Variants in ARHGAP24 observed in about 807,000 individuals in gnomAD.
The protein encoded by ARHGAP24 is rho GTPase-activating protein 24.
Under a neutral mutation model 76.4 loss-of-function variants are expected in ARHGAP24, and 50 were observed. That is an observed-to-expected ratio of 0.65 (90% CI 0.52 to 0.83). ARHGAP24 has a LOEUF of 0.83. Ranked by LOEUF, ARHGAP24 falls within the 40% of genes least tolerant of loss-of-function variation. ARHGAP24 has a pLI of 0.00. For synonymous variants in ARHGAP24, 345 were observed against 323.3 expected, an observed-to-expected ratio of 1.07 and a Z score of -0.72; for missense variants, 930 against 914.2, an observed-to-expected ratio of 1.02 and a Z score of -0.22.
At chr4:85,607,506 C>T (rs1720237932) in intron 2 of ARHGAP24, among the ~76,000 whole-genome samples, 1 of 151,962 alleles carries the variant, frequency 6.6e-6, no homozygotes, top group Admixed American at 6.5e-5. Flanking sequence ...ATGCAGGAAT[C>T]ATCTCCGTAC....
chr4:85,724,593 A>T (rs1725096548), intron 3 of ARHGAP24, among the ~76,000 whole-genome samples: 1 of 151,106 alleles, frequency 6.6e-6, no homozygotes, highest in Non-Finnish European at 1.5e-5. Context: ...GAAACCAAGG[A>T]AAATCATATT....
At chr4:85,810,398 T>A (rs1349611969) in intron 3 of ARHGAP24, among the ~76,000 whole-genome samples, 1 of 152,208 alleles carries the variant, frequency 6.6e-6, no homozygotes, top group Non-Finnish European at 1.5e-5. Flanking sequence ...TACAGGCATA[T>A]GCATCAACGT....
At position 85,710,322 on chromosome 4, in the gene ARHGAP24, C is replaced by T. The variant is rs557108096; in HGVS notation, c.181-11563C>T. 2.0e-5 allele frequency among the ~76,000 whole-genome samples: 3 copies of T among 152,184 alleles called. No individual in the cohort carries two copies. In the South Asian group the frequency reaches 6.2e-4, roughly 32 times the overall value. On this transcript the variant is annotated intron_variant, in intron 2 of 9. Coordinates refer to ENST00000395184, the MANE Select transcript of ARHGAP24 (RefSeq NM_001025616.3). ...CCATATGCAGGAGATTGAAACTGGA[C>T]CCCTTCCTCATAACATATACAAAAA...
At chr4:85,624,311 G>T (rs1321285546) in intron 2 of ARHGAP24, among the ~76,000 whole-genome samples, 1 of 151,992 alleles carries the variant, frequency 6.6e-6, no homozygotes, top group Non-Finnish European at 1.5e-5. Context: ...GTTGAATTTT[G>T]TCAAAGGCCT....
At chr4:85,518,661 C>A (rs1724616780) in intron 1 of ARHGAP24, among the ~76,000 whole-genome samples, 1 of 152,136 alleles carries the variant, frequency 6.6e-6, no homozygotes. Flanking sequence ...ATAATAGTCA[C>A]CAATCTCATC....
At chr4:85,845,667 A>T (rs2110154495) in intron 3 of ARHGAP24, among the ~76,000 whole-genome samples, 1 of 152,294 alleles carries the variant, frequency 6.6e-6, no homozygotes, top group Middle Eastern at 3.4e-3. Flanking sequence ...GGCAGAAGTA[A>T]TCAACACAAC....
intron 1 of ARHGAP24, among the ~76,000 whole-genome samples, chr4:85,495,748 A>G (rs924125403): frequency 6.6e-6 from 1 of 152,140 alleles, no homozygotes; most frequent in Non-Finnish European, 1.5e-5. Flanking sequence ...TCAGAATGTA[A>G]TACTCTACAG....
chr4:85,600,891 TA>T (rs1356972375), intron 2 of ARHGAP24, among the ~76,000 whole-genome samples: 1 of 152,198 alleles, frequency 6.6e-6, no homozygotes, highest in East Asian at 1.9e-4. Context: ...GGTCATTTTT[TA>T]TTGAAAGAAT....
At chr4:85,676,992 C>T (rs575855049) in intron 2 of ARHGAP24, among the ~76,000 whole-genome samples, 10 of 152,258 alleles carry the variant, frequency 6.6e-5, no homozygotes, top group African/African-American at 2.4e-4. Flanking sequence ...AGAAGGGAGG[C>T]TCCAGCCACA....
intron 2 of ARHGAP24, 185 bp downstream of exon 2, chr4:85,570,906 CAA>C: frequency 1.6e-6 from 1 of 625,824 alleles, no homozygotes; most frequent in Non-Finnish European, 2.7e-6. Flanking sequence ...TAATTGAGGC[CAA>C]GAGGCAAATT....
At chr4:85,783,110 C>T (rs571063904) in intron 3 of ARHGAP24, among the ~76,000 whole-genome samples, 1 of 152,048 alleles carries the variant, frequency 6.6e-6, no homozygotes, top group Admixed American at 6.5e-5. Flanking sequence ...GAAAAAGCAT[C>T]GGGTATCTAC....
intron 2 of ARHGAP24, among the ~76,000 whole-genome samples, chr4:85,634,441 G>A (rs1172899304): frequency 6.6e-6 from 1 of 151,686 alleles, no homozygotes; most frequent in Admixed American, 6.6e-5. Context: ...CCAAATCCTG[G>A]TGGCCATTTT....
At chr4:85,995,767 C>A (rs1740627052) in intron 9 of ARHGAP24, 110 bp downstream of exon 9, 4 of 1,061,126 alleles carry the variant, frequency 3.8e-6, no homozygotes, top group Non-Finnish European at 5.6e-6. Flanking sequence ...CAAAGAAACA[C>A]AAGTTTGCTC....
chr4:85,550,332 C>T (rs1226962334), intron 1 of ARHGAP24, among the ~76,000 whole-genome samples: 1 of 152,120 alleles, frequency 6.6e-6, no homozygotes. Context: ...TTTTTGTCAA[C>T]TTTCTTGAAG....
At chr4:85,701,708 G>A (rs1307144830) in intron 2 of ARHGAP24, among the ~76,000 whole-genome samples, 1 of 151,836 alleles carries the variant, frequency 6.6e-6, no homozygotes, top group African/African-American at 2.4e-5. Context: ...AATTGTCTGG[G>A]TGGTCCTGAC....
intron 3 of ARHGAP24, among the ~76,000 whole-genome samples, chr4:85,854,162 A>G (rs1404810463): frequency 6.6e-6 from 1 of 151,736 alleles, no homozygotes; most frequent in African/African-American, 2.4e-5. Flanking sequence ...AAAAGAAAAA[A>G]AAGGAAAACT....
At chr4:85,593,765 A>G (rs1728209139) in intron 2 of ARHGAP24, among the ~76,000 whole-genome samples, 1 of 151,980 alleles carries the variant, frequency 6.6e-6, no homozygotes, top group South Asian at 2.1e-4. Flanking sequence ...CTCACTGTTG[A>G]TGTGTGGATT....
At chr4:85,478,098 A>G (rs1051745362) in intron 1 of ARHGAP24, among the ~76,000 whole-genome samples, 2 of 152,180 alleles carry the variant, frequency 1.3e-5, no homozygotes, top group African/African-American at 4.8e-5. Context: ...AATTGGTTAC[A>G]TGTGGGTGTG....
At chr4:85,487,766 TA>T (rs1333529723) in intron 1 of ARHGAP24, among the ~76,000 whole-genome samples, 2 of 105,884 alleles carry the variant, frequency 1.9e-5, no homozygotes, top group South Asian at 2.4e-4. Context: ...ATATATTATA[TA>T]ATATATATTT....
Sources: gnomAD v4.1 joint callset for allele counts (sites outside exome capture counted in the v4.1 genomes callset) on GRCh38, gnomAD v4.1.1 for gene constraint, MANE v1.5 for transcripts, NCBI Gene and HGNC (gene_info 2026-07-23, HGNC 2026-07-21) for gene names.